The following EIF4G3 variants were observed in gnomAD, a reference collection of about 807,000 sequenced individuals.
The protein encoded by EIF4G3 is eIF-4-gamma 3.
EIF4G3 carries 34 observed loss-of-function variants against 186.4 expected under a neutral mutation model. The observed-to-expected ratio is 0.18, with a 90% CI of 0.14 to 0.24. The LOEUF is 0.24. Among genes scored for constraint, EIF4G3 ranks in the 10% least tolerant of loss-of-function variants. The pLI is 1.00. For missense variants in EIF4G3, 1,536 were observed against 1,948.5 expected (o/e 0.79, Z 3.99); for synonymous variants, 673 against 679.5 (o/e 0.99, Z 0.15).
At chr1:20,996,582 T>C (rs924052110) in intron 7 of EIF4G3, among the ~76,000 whole-genome samples, 2 of 152,192 alleles carry the variant, frequency 1.3e-5, no homozygotes, top group Non-Finnish European at 2.9e-5. Flanking sequence ...ATTTACTCAG[T>C]AATAAGAATT....
intron 2 of EIF4G3, among the ~76,000 whole-genome samples, chr1:21,126,053 A>G (rs1413870576): frequency 6.6e-6 from 1 of 151,526 alleles, no homozygotes; most frequent in Non-Finnish European, 1.5e-5. Context: ...CAATTACAAA[A>G]ATTAGGCAGG....
Position 20,981,600 on chromosome 1 carries a change from TACGCAC to T in EIF4G3, c.199-379_199-374del, listed in dbSNP as rs1336020914. On this transcript the variant is annotated intron_variant, in intron 8 of 36. Coordinates refer to ENST00000602326, the MANE Select transcript of EIF4G3 (RefSeq NM_001391906.1). Reference sequence around the variant, plus strand: ...CATACTGTATGTATACATACATGTATACGCACATACTGTATGTATACATACATGTAT... The same window carrying T: ...CATACTGTATGTATACATACATGTATATACTGTATGTATACATACATGTAT... Among the ~76,000 whole-genome samples the T allele has an allele frequency of 1.2e-4, 16 of 131,734 alleles. 3 individuals carry two copies. The highest frequency in any genetic ancestry group is 3.5e-4 in the African/African-American group (12 of 34,464). 86.4% of individuals were successfully genotyped at this position (131,734 alleles called of 152,430 possible).
At chr1:20,969,639 G>C (rs367756971) in intron 11 of EIF4G3, 43 bp from the exon 12 acceptor site, 1 of 1,595,202 alleles carries the variant, frequency 6.3e-7, no homozygotes, top group Non-Finnish European at 8.6e-7. Flanking sequence ...ATGAGTGTCT[G>C]TGTAGCAAAT....
At chr1:20,991,342 C>T (rs896434447) in intron 7 of EIF4G3, among the ~76,000 whole-genome samples, 14 of 152,016 alleles carry the variant, frequency 9.2e-5, no homozygotes, top group African/African-American at 1.4e-4. Flanking sequence ...CTAAGATGGG[C>T]GGATCGCTTA....
chr1:21,138,756 A>C (rs1408642217), intron 2 of EIF4G3, among the ~76,000 whole-genome samples: 1 of 152,136 alleles, frequency 6.6e-6, no homozygotes, highest in Non-Finnish European at 1.5e-5. Flanking sequence ...GGTTGCAGTG[A>C]GCCGAGATTG....
Position 20,942,039 on chromosome 1 carries a change from A to C in EIF4G3, c.1115T>G (p.Leu372Arg). The change falls in exon 14 of 37, where the codon CTC (leucine) becomes CGC (arginine). Residue 372 changes from leucine to arginine, a missense_variant. Around this residue, in one of 11 missense-constraint regions of EIF4G3, gnomAD observed 560 missense variants for 547.8 expected, o/e 1.02. Transcript: ENST00000602326. ...PREDTIPIPS[L>R]TSCTETSDPL... ...GTCTGATGTTTCTGTGCAAGATGTG[A>C]GGCTGGGTATAGGAATTGTGTCTTC... 6.2e-7 allele frequency: 1 copy of C among 1,614,154 alleles called. No individual in the cohort carries two copies. The highest frequency in any genetic ancestry group is 1.1e-5 in the South Asian group (1 of 91,082).
chr1:21,155,456 T>C (rs1201863793), intron 2 of EIF4G3, among the ~76,000 whole-genome samples: 1 of 152,036 alleles, frequency 6.6e-6, no homozygotes, highest in Non-Finnish European at 1.5e-5. Flanking sequence ...AAACTCCAGG[T>C]TCAAATTAAT....
chr1:20,871,631 G>C (rs747554509), intron 20 of EIF4G3, among the ~76,000 whole-genome samples: 3 of 152,188 alleles, frequency 2.0e-5, no homozygotes, highest in Non-Finnish European at 2.9e-5. Flanking sequence ...GTATACAGTA[G>C]ATCTTTCCTG....
chr1:20,997,772 G>C (rs1179255045), intron 6 of EIF4G3, 139 bp from the exon 7 acceptor site: 2 of 649,662 alleles, frequency 3.1e-6, no homozygotes, highest in East Asian at 2.8e-5. Flanking sequence ...ACACAAAACA[G>C]TCAAAGCTTT....
chr1:20,873,376 C>A (rs998330849), intron 20 of EIF4G3, among the ~76,000 whole-genome samples: 2 of 151,976 alleles, frequency 1.3e-5, no homozygotes, highest in African/African-American at 4.8e-5. Flanking sequence ...TGTGTATATA[C>A]CTAAGAATTG....
At chr1:20,989,524 T>C (rs1478209879) in intron 7 of EIF4G3, among the ~76,000 whole-genome samples, 2 of 121,834 alleles carry the variant, frequency 1.6e-5, no homozygotes, top group African/African-American at 6.3e-5. Context: ...GCCACTGCAC[T>C]GCAGCCTGGA....
At chr1:21,079,369 G>A (rs2095688799) in intron 3 of EIF4G3, among the ~76,000 whole-genome samples, 1 of 151,992 alleles carries the variant, frequency 6.6e-6, no homozygotes, top group South Asian at 2.1e-4. Context: ...AATATAAAAT[G>A]GCTAAATGTA....
chr1:21,087,365 G>A (rs935456354), intron 3 of EIF4G3, among the ~76,000 whole-genome samples: 7 of 152,124 alleles, frequency 4.6e-5, no homozygotes, highest in Non-Finnish European at 7.3e-5. Context: ...GCTCACGCCT[G>A]TAATCCCAGC....
At chr1:20,822,347 AG>A (rs1485543785) in intron 33 of EIF4G3, among the ~76,000 whole-genome samples, 1 of 142,596 alleles carries the variant, frequency 7.0e-6, no homozygotes, top group Non-Finnish European at 1.5e-5. Flanking sequence ...ATCTTCTCAA[AG>A]AACCAGCTTT....
chr1:20,878,061 T>G (rs935723940), intron 20 of EIF4G3, among the ~76,000 whole-genome samples: 3 of 152,134 alleles, frequency 2.0e-5, no homozygotes, highest in Non-Finnish European at 4.4e-5. Context: ...GAGACGAAGT[T>G]TCCCCATGTT....
intron 27 of EIF4G3, 84 bp downstream of exon 27, chr1:20,853,476 G>A (rs7542882): frequency 0.98 from 779,643 of 792,394 alleles, 384,595 homozygotes; most frequent in East Asian, 1. Context: ...CATAAGGATT[G>A]CTATCAAAAC....
At chr1:21,049,569 T>C (rs551814368) in intron 4 of EIF4G3, among the ~76,000 whole-genome samples, 1 of 152,314 alleles carries the variant, frequency 6.6e-6, no homozygotes, top group East Asian at 1.9e-4. Context: ...CTTGACAAAC[T>C]TATATTCATT....
At chr1:20,929,187 T>C (rs1051497163) in intron 14 of EIF4G3, among the ~76,000 whole-genome samples, 1 of 152,192 alleles carries the variant, frequency 6.6e-6, no homozygotes, top group Non-Finnish European at 1.5e-5. Context: ...CCCCCCATTC[T>C]TCTGAGCTTT....
Position 21,050,977 on chromosome 1 carries a change from T to A in EIF4G3, c.-178A>T, listed in dbSNP as rs1557709813. The A allele has an allele frequency of 1.4e-6, 1 of 717,592 alleles. No individual in the cohort carries two copies. Among genetic ancestry groups the A allele is most frequent in the East Asian group, 2.7e-5 (1 of 37,278 alleles). The allele number at this position is 717,592 out of a possible 1,614,324, so 44.5% of individuals were successfully genotyped here. The stretch of plus-strand genomic sequence containing the variant: ...GGGATGGGGTAGGGGTTCCCGGCTG[T>A]CTTGCCACTTGTGTTACCTGTGAGG... On this transcript the variant is annotated 5_prime_UTR_variant, in exon 4 of 37. Transcript: ENST00000602326.
Sources: gnomAD v4.1 joint callset for allele counts (sites outside exome capture counted in the v4.1 genomes callset) on GRCh38, gnomAD v4.1.1 for gene constraint, gnomAD v4.1.1 regional missense constraint, MANE v1.5 for transcripts, NCBI Gene and HGNC (gene_info 2026-07-23, HGNC 2026-07-21) for gene names.